PANK2: variants seen among roughly 807,000 people sequenced by gnomAD.
PANK2 encodes the protein pantothenate kinase 2.
Under a neutral mutation model 43.1 loss-of-function variants are expected in PANK2, and 36 were observed. That is an observed-to-expected ratio of 0.84 (90% confidence interval 0.64 to 1.10). The LOEUF (loss-of-function observed/expected upper bound fraction) is 1.10. PANK2 is among the 50% of genes least tolerant of loss of function. The pLI, the probability that PANK2 is intolerant of heterozygous loss-of-function variation, is 0.00. For synonymous variants in PANK2, 281 were observed against 238.2 expected (o/e 1.18, Z -1.66); for missense variants, 576 against 593.3 (o/e 0.97, Z 0.30).
At chr20:3,894,151 G>C (rs547305390) in intron 1 of PANK2, among the ~76,000 whole-genome samples, 1 of 152,090 alleles carries the variant, frequency 6.6e-6, no homozygotes, top group African/African-American at 2.4e-5. Context: ...GGCTGGTCTT[G>C]AGCTCCTGAC....
chr20:3,900,844 C>G (rs2090288633), intron 1 of PANK2, among the ~76,000 whole-genome samples: 1 of 151,880 alleles, frequency 6.6e-6, no homozygotes, highest in Admixed American at 6.6e-5. Flanking sequence ...TCTTGGCTCA[C>G]TGCAACCTCT....
intron 6 of PANK2, among the ~76,000 whole-genome samples, chr20:3,920,718 A>T (rs1397052824): frequency 6.7e-6 from 1 of 149,926 alleles, no homozygotes; most frequent in Non-Finnish European, 1.5e-5. Flanking sequence ...GGTGGCACAT[A>T]CCTGTAATCC....
At chr20:3,917,997 C>T (rs1391018414) in intron 5 of PANK2, among the ~76,000 whole-genome samples, 5 of 152,132 alleles carry the variant, frequency 3.3e-5, no homozygotes, top group African/African-American at 4.8e-5. Context: ...GCTCATAACT[C>T]GGCAGTAAGC....
intron 1 of PANK2, among the ~76,000 whole-genome samples, chr20:3,892,948 G>A (rs535713674): frequency 6.6e-6 from 1 of 152,048 alleles, no homozygotes; most frequent in African/African-American, 2.4e-5. Context: ...AGGTGGGGAG[G>A]GGGGTATGTC....
rs142012494 is a variant in PANK2, at chr20:3,917,212, T to C, written c.1206+162T>C. 6.3e-4 allele frequency among the ~76,000 whole-genome samples: 96 copies of C among 151,520 alleles called. No individual in the cohort carries two copies. The East Asian group carries it at 0.017, about 27-fold the overall frequency. Reference sequence around the variant, plus strand: ...TCTTCAAATACAGATTAATCTTCTTTTTTTTTTTTTTAAACTGAAGATAAA... The same window carrying C: ...TCTTCAAATACAGATTAATCTTCTTCTTTTTTTTTTTAAACTGAAGATAAA... On this transcript the variant is annotated intron_variant, in intron 5 of 6. Coordinates refer to ENST00000610179, the MANE Select transcript of PANK2 (RefSeq NM_001386393.1).
Position 3,910,704 on chromosome 20 carries a change from A to G in PANK2, c.779A>G (p.Glu260Gly). 1.9e-6 allele frequency: 3 copies of G among 1,614,196 alleles called. No individual in the cohort carries two copies. The highest frequency in any genetic ancestry group is 2.5e-6 in the Non-Finnish European group (3 of 1,180,034). Residue 260 changes from glutamate to glycine, a missense_variant, in exon 3 of 7, where the codon GAA becomes GGA. Physicochemically the swap from Glu to Gly is moderately conservative, Grantham distance 98. Transcript: ENST00000610179. Reference sequence around the variant, plus strand: ...TACTTTGAAAACCCTGCTGATTCTGAAAAGTGTCAGAAGTTACCATTTGAT... The same window carrying G: ...TACTTTGAAAACCCTGCTGATTCTGGAAAGTGTCAGAAGTTACCATTTGAT...
At chr20:3,920,038 A>C (rs1229076682) in intron 6 of PANK2, among the ~76,000 whole-genome samples, 2 of 152,202 alleles carry the variant, frequency 1.3e-5, no homozygotes, top group African/African-American at 2.4e-5. Context: ...CCGAATTGCC[A>C]TTAAGTTTCT....
At chr20:3,916,010 A>G (rs1231875962) in intron 4 of PANK2, among the ~76,000 whole-genome samples, 3 of 152,194 alleles carry the variant, frequency 2.0e-5, no homozygotes, top group Admixed American at 1.3e-4. Flanking sequence ...TGTAAATAAG[A>G]CAACTGGGAT....
At chr20:3,889,129 G>T (rs1473379200), upstream of PANK2, 29 of 1,556,446 alleles carry the variant, frequency 1.9e-5, no homozygotes, top group Non-Finnish European at 2.4e-5. Context: ...TTCCACCCAC[G>T]CGTCCATTGG....
chr20:3,915,392 G>A (rs534548725), intron 4 of PANK2, among the ~76,000 whole-genome samples: 5 of 152,056 alleles, frequency 3.3e-5, no homozygotes, highest in African/African-American at 9.6e-5. Flanking sequence ...TCCACCTCCC[G>A]GGTTCAAGCG....
At chr20:3,908,388 G>T (rs2146860466) in intron 2 of PANK2, 110 bp downstream of exon 2, 2 of 1,104,076 alleles carry the variant, frequency 1.8e-6, no homozygotes, top group East Asian at 5.1e-5. Context: ...GAATTTTCTT[G>T]AGTCAAATGA....
intron 4 of PANK2, among the ~76,000 whole-genome samples, chr20:3,914,090 G>C (rs1002878626): frequency 9.9e-5 from 15 of 151,634 alleles, no homozygotes; most frequent in Non-Finnish European, 3.0e-5. Context: ...CGCCTGGCCT[G>C]CACATATATT....
chr20:3,889,485 C>A lies in PANK2; in HGVS notation c.55C>A (p.Leu19Ile), dbSNP rs772205776. 1 of 1,487,456 alleles carries A rather than the reference C, an allele frequency of 6.7e-7. No homozygotes were observed. Among genetic ancestry groups the A allele is most frequent in the Non-Finnish European group, 8.9e-7 (1 of 1,128,286 alleles). 92.1% of individuals were successfully genotyped at this position (1,487,456 alleles called of 1,614,324 possible). ...GCTGCTGCGGATGGGAGGGGGCCGGCTCGGCGCGCCCATGGAGCGCCACGG... is the reference window on the plus strand; with the variant it reads ...GCTGCTGCGGATGGGAGGGGGCCGGATCGGCGCGCCCATGGAGCGCCACGG... Residue 19 changes from leucine to isoleucine, a missense_variant, in exon 1 of 7, where the codon CTC becomes ATC. Leu to Ile is a conservative substitution (Grantham distance 5, BLOSUM62 2). Coordinates refer to ENST00000610179, the MANE Select transcript of PANK2 (RefSeq NM_001386393.1).
intron 4 of PANK2, among the ~76,000 whole-genome samples, chr20:3,913,199 A>T (rs6139234): frequency 0.51 from 77,776 of 151,350 alleles, 20,400 homozygotes; most frequent in East Asian, 0.66. Context: ...ATTTATTTTC[A>T]ATGTAGGTTT....
chr20:3,921,084 A>G (rs1027975673), intron 6 of PANK2, among the ~76,000 whole-genome samples: 14 of 152,158 alleles, frequency 9.2e-5, no homozygotes, highest in Admixed American at 3.3e-4. Context: ...AAGTTCTAGG[A>G]TACATGTGCA....
chr20:3,894,943 C>G (rs2090181160), intron 1 of PANK2, among the ~76,000 whole-genome samples: 2 of 152,124 alleles, frequency 1.3e-5, no homozygotes, highest in Non-Finnish European at 2.9e-5. Flanking sequence ...TCCCTGCCTT[C>G]TATCTGGGGA....
chr20:3,896,198 G>A (rs551641594), intron 1 of PANK2, among the ~76,000 whole-genome samples: 140 of 150,990 alleles, frequency 9.3e-4, no homozygotes, highest in Non-Finnish European at 1.5e-3. Context: ...GAGTAGCTGG[G>A]ACTACAGGTG....
intron 6 of PANK2, among the ~76,000 whole-genome samples, chr20:3,920,160 C>T (rs1336424140): frequency 2.0e-5 from 3 of 151,842 alleles, no homozygotes; most frequent in Admixed American, 2.0e-4. Context: ...TTTATTTCTG[C>T]CTCTTGTTTA....
intron 2 of PANK2, 68 bp downstream of exon 2, chr20:3,908,346 TG>T: frequency 7.4e-7 from 1 of 1,354,060 alleles, no homozygotes; most frequent in Non-Finnish European, 1.0e-6. Context: ...CAGTAGCAAG[TG>T]GTGAAATAAT....
Sources: allele counts gnomAD v4.1 joint callset (sites outside exome capture counted in the v4.1 genomes callset), GRCh38; gene constraint gnomAD v4.1.1; transcripts MANE v1.5; gene names NCBI Gene and HGNC (gene_info 2026-07-23, HGNC 2026-07-21).